VIPR2: variants seen among roughly 807,000 people sequenced by gnomAD.
The protein encoded by VIPR2 is vasoactive intestinal polypeptide receptor 2.
A neutral mutation model predicts 58.0 loss-of-function variants in VIPR2; 48 were observed. The ratio of observed to expected loss-of-function variants is 0.83; its 90% CI spans 0.66 to 1.05. The LOEUF (loss-of-function observed/expected upper bound fraction) is 1.05. VIPR2 is among the 50% of genes least tolerant of loss of function. The probability of loss-of-function intolerance (pLI) is 0.00; values close to 1 mark genes in which losing one functional copy is unlikely to be tolerated. For synonymous variants in VIPR2, 243 were observed against 235.2 expected (o/e 1.03, Z -0.30); for missense variants, 534 against 558.0 (o/e 0.96, Z 0.43).
In VIPR2 at chr7:159,092,148, C is replaced by T. The variant is rs541525516; in HGVS notation, c.357+11609G>A. On this transcript the variant is annotated intron_variant, in intron 4 of 12. Transcript: ENST00000262178. ...ACAGAGTCAGAGGCTGACGTGAGGG[C>T]TTCCCACCTGCACAGACTGCCCACC... Among the ~76,000 whole-genome samples, 6 of 152,360 alleles carry T rather than the reference C, an allele frequency of 3.9e-5. No homozygotes were observed. In the East Asian group the frequency reaches 9.6e-4, roughly 24 times the overall value.
chr7:159,070,405 G>GT (rs1421453805), intron 4 of VIPR2, among the ~76,000 whole-genome samples: 1 of 152,044 alleles, frequency 6.6e-6, no homozygotes, highest in African/African-American at 2.4e-5. Context: ...TTATTGTTAT[G>GT]TTTGATTTAG....
At chr7:159,120,405 G>A (rs1000649055) in intron 2 of VIPR2, among the ~76,000 whole-genome samples, 20 of 85,094 alleles carry the variant, frequency 2.4e-4, no homozygotes, top group African/African-American at 9.4e-4. Flanking sequence ...CCCCTCCCAG[G>A]TCATGAAGGC....
chr7:159,051,447 T>C (rs1025191898), intron 5 of VIPR2, among the ~76,000 whole-genome samples: 10 of 152,260 alleles, frequency 6.6e-5, no homozygotes, highest in Non-Finnish European at 8.8e-5. Context: ...AATAAAAATA[T>C]TTGATCAATT....
chr7:159,065,741 T>G (rs1423432764), intron 4 of VIPR2, among the ~76,000 whole-genome samples: 1 of 152,180 alleles, frequency 6.6e-6, no homozygotes, highest in African/African-American at 2.4e-5. Context: ...TGAAAGTGCT[T>G]TGCTCCTCCG....
At chr7:159,048,828 C>G (rs778041634) in intron 5 of VIPR2, among the ~76,000 whole-genome samples, 10 of 152,188 alleles carry the variant, frequency 6.6e-5, no homozygotes, top group Admixed American at 3.9e-4. Flanking sequence ...TCCTCCACAG[C>G]CAGCGTGCAC....
intron 4 of VIPR2, among the ~76,000 whole-genome samples, chr7:159,090,952 T>C (rs1204419124): frequency 3.0e-3 from 308 of 101,378 alleles, no homozygotes; most frequent in Non-Finnish European, 4.4e-3. Context: ...CACGCTGGGA[T>C]CACGCACAGG....
At chr7:159,038,481 A>G (rs1196268834) in intron 6 of VIPR2, among the ~76,000 whole-genome samples, 1 of 152,194 alleles carries the variant, frequency 6.6e-6, no homozygotes, top group Non-Finnish European at 1.5e-5. Flanking sequence ...TCTTATGTGG[A>G]AAGACACACA....
intron 4 of VIPR2, among the ~76,000 whole-genome samples, chr7:159,087,238 C>T (rs1022215899): frequency 1.2e-4 from 17 of 143,422 alleles, no homozygotes; most frequent in Non-Finnish European, 2.6e-4. Flanking sequence ...TAGTGAGATA[C>T]GGCTTCCCAA....
At chr7:159,066,128 C>T (rs1255730606) in intron 4 of VIPR2, among the ~76,000 whole-genome samples, 1 of 146,080 alleles carries the variant, frequency 6.8e-6, no homozygotes, top group South Asian at 2.2e-4. Flanking sequence ...TGCCTGATCC[C>T]ACGTTGTCCA....
chr7:159,125,951 T>G (rs1366734260), intron 2 of VIPR2, among the ~76,000 whole-genome samples: 1 of 152,196 alleles, frequency 6.6e-6, no homozygotes, highest in Non-Finnish European at 1.5e-5. Flanking sequence ...GGTGTTCTAG[T>G]AGCTGCATTC....
rs185802421 is a variant in VIPR2 at position 159,046,767 on chromosome 7, G to A, written c.456-3591C>T. On this transcript the variant is annotated intron_variant, in intron 5 of 12. Coordinates refer to ENST00000262178, the MANE Select transcript of VIPR2 (RefSeq NM_003382.5). ...AATTATGGCCAGCTGAAACAATTTC[G>A]ATTCTTGCATAAAAAAGAAAAATAA... Among the ~76,000 whole-genome samples, 7 of 152,098 alleles carry A rather than the reference G, an allele frequency of 4.6e-5. No homozygotes were observed. The South Asian group carries it at 1.0e-3, about 23-fold the overall frequency.
chr7:159,128,447 G>GC lies in VIPR2; in HGVS notation c.151+13998dup, dbSNP rs1023223277. Among the ~76,000 whole-genome samples the GC allele has an allele frequency of 6.6e-6, 1 of 151,970 alleles. No homozygotes were observed. Among genetic ancestry groups the GC allele is most frequent in the Non-Finnish European group, 1.5e-5 (1 of 67,970 alleles). On this transcript the variant is annotated intron_variant, in intron 2 of 12. Coordinates refer to ENST00000262178, the MANE Select transcript of VIPR2 (RefSeq NM_003382.5). The surrounding 1 kb of genome is among the most constrained non-coding windows in gnomAD (Gnocchi z 4.1). Reference sequence around the variant, plus strand: ...AACAACTGTGTGTAAAAACCTCTGGGCCCCCCTGGCCACTCCCCTCCTGCC... The same window carrying GC: ...AACAACTGTGTGTAAAAACCTCTGGGCCCCCCCTGGCCACTCCCCTCCTGCC...
intron 4 of VIPR2, among the ~76,000 whole-genome samples, chr7:159,077,236 A>G (rs1167726439): frequency 2.6e-5 from 4 of 152,274 alleles, no homozygotes; most frequent in Admixed American, 2.0e-4. Context: ...GTAGAAAACT[A>G]CAGTGTACCT....
chr7:159,116,472 AGGGGCTGGTCAG>A (rs914710964), intron 2 of VIPR2, among the ~76,000 whole-genome samples: 4 of 152,144 alleles, frequency 2.6e-5, no homozygotes, highest in African/African-American at 9.6e-5. Context: ...GGTCAGTCAC[AGGGGCTGGTCAG>A]GGGGCTGGAA....
At position 159,031,723 on chromosome 7, in the gene VIPR2, G is replaced by GC; in HGVS notation, c.1143+104dup. 1 of 1,591,606 alleles carries GC rather than the reference G, an allele frequency of 6.3e-7. No individual in the cohort carries two copies. On this transcript the variant is annotated intron_variant, in intron 12 of 12. Coordinates refer to ENST00000262178, the MANE Select transcript of VIPR2 (RefSeq NM_003382.5). This position sits in a 1 kb window ranked among gnomAD's most constrained non-coding sequence, Gnocchi z 4.0. ...TGTGGGGTCCCGGGCAGTAACTCGA[G>GC]CCCGCGGAAGACAGGCATGTGTGGG... is the stretch of plus-strand genomic sequence containing the variant.
At chr7:159,092,023 C>T (rs762688989) in intron 4 of VIPR2, among the ~76,000 whole-genome samples, 14 of 152,172 alleles carry the variant, frequency 9.2e-5, no homozygotes, top group Non-Finnish European at 1.2e-4. Flanking sequence ...ACCTGGGAGG[C>T]GGAGGTTGCA....
chr7:159,101,698 C>T (rs1462957854), intron 4 of VIPR2, among the ~76,000 whole-genome samples: 60 of 140,544 alleles, frequency 4.3e-4, no homozygotes, highest in African/African-American at 1.3e-3. Flanking sequence ...CGAGATCCGA[C>T]GAGGCGGTTC....
chr7:159,036,097 G>A, intron 7 of VIPR2, 85 bp from the exon 8 acceptor site: 1 of 1,459,030 alleles, frequency 6.9e-7, no homozygotes, highest in Non-Finnish European at 9.2e-7. Context: ...AAACCCTCAA[G>A]GACACGCTTT....
At chr7:159,086,369 C>T (rs1438153884) in intron 4 of VIPR2, among the ~76,000 whole-genome samples, 1 of 152,136 alleles carries the variant, frequency 6.6e-6, no homozygotes, top group African/African-American at 2.4e-5. Flanking sequence ...GGGGAGGTGC[C>T]CTGTTCTGAC....
Sources: allele counts gnomAD v4.1 joint callset (sites outside exome capture counted in the v4.1 genomes callset), GRCh38; gene constraint gnomAD v4.1.1; non-coding constraint Gnocchi (gnomAD v3.1); transcripts MANE v1.5; gene names NCBI Gene and HGNC (gene_info 2026-07-23, HGNC 2026-07-21).